Variants in RNF145 observed in about 807,000 individuals in gnomAD.
RNF145 encodes ring finger protein 145.
In RNF145, 12 loss-of-function variants were observed where a neutral mutation model predicts 57.3. That is an observed-to-expected ratio of 0.21 (90% CI 0.13 to 0.34). RNF145 has a LOEUF of 0.34. Among genes scored for constraint, RNF145 ranks in the 10% least tolerant of loss-of-function variants. RNF145 has a pLI of 1.00. For missense variants in RNF145, 429 were observed against 799.0 expected, an observed-to-expected ratio of 0.54 and a Z score of 5.58; for synonymous variants, 262 against 288.3, an observed-to-expected ratio of 0.91 and a Z score of 0.92.
At chr5:159,208,276 A>T in intron 1 of RNF145, 1 of 576,848 alleles carries the variant, frequency 1.7e-6, no homozygotes, top group Non-Finnish European at 2.5e-6. Context: ...AAACTCTTCC[A>T]GGAAAGAGGC....
At chr5:159,176,304 CTA>C (rs1562056886) in intron 5 of RNF145, among the ~76,000 whole-genome samples, 2 of 152,100 alleles carry the variant, frequency 1.3e-5, no homozygotes. Context: ...TCACAGAACT[CTA>C]TGAGGAAAGC....
intron 8 of RNF145, among the ~76,000 whole-genome samples, chr5:159,166,493 T>C (rs1200570165): frequency 6.6e-6 from 1 of 152,246 alleles, no homozygotes; most frequent in Non-Finnish European, 1.5e-5. Flanking sequence ...ATTTTAACCT[T>C]CTGTTTTTGA....
At chr5:159,192,757 T>C (rs1023460523) in intron 3 of RNF145, among the ~76,000 whole-genome samples, 4 of 152,190 alleles carry the variant, frequency 2.6e-5, no homozygotes, top group African/African-American at 9.7e-5. Context: ...TTCTGGGAAA[T>C]GACACCCAAG....
In RNF145 at chr5:159,157,605, T is replaced by A. The variant is rs1584652905; in HGVS notation, c.*1065A>T. 6.6e-6 allele frequency: 1 copy of A among 151,764 alleles called. No homozygotes were observed. Among genetic ancestry groups the A allele is most frequent in the Non-Finnish European group, 1.5e-5 (1 of 67,746 alleles). The allele number at this position is 151,764 out of a possible 1,614,324, so 9.4% of individuals were successfully genotyped here. Reference sequence around the variant, plus strand: ...TCAAAATTCCCATAAAAAATTACATTCCCCCCTCCCCAGTTCTACCTGTAG... The same window carrying A: ...TCAAAATTCCCATAAAAAATTACATACCCCCCTCCCCAGTTCTACCTGTAG... On this transcript the variant is annotated 3_prime_UTR_variant, in exon 11 of 11. Coordinates refer to ENST00000424310, the MANE Select transcript of RNF145 (RefSeq NM_001199383.2).
intron 5 of RNF145, among the ~76,000 whole-genome samples, chr5:159,175,878 T>C (rs1784705842): frequency 6.6e-6 from 1 of 152,192 alleles, no homozygotes; most frequent in Admixed American, 6.5e-5. Flanking sequence ...TTTAACACTC[T>C]CTTTTTATAC....
chr5:159,173,130 G>C (rs4318763), intron 6 of RNF145, among the ~76,000 whole-genome samples: 3 of 152,094 alleles, frequency 2.0e-5, no homozygotes, highest in Non-Finnish European at 4.4e-5. Flanking sequence ...CCGAGTCTTA[G>C]AATTATTTTG....
chr5:159,209,553 C>A lies in RNF145; in HGVS notation c.-362G>T. 2 of 986,840 alleles carry A rather than the reference C, an allele frequency of 2.0e-6. No individual in the cohort carries two copies. Among genetic ancestry groups the A allele is most frequent in the Non-Finnish European group, 2.4e-6 (2 of 830,986 alleles). 61.1% of individuals were successfully genotyped at this position (986,840 alleles called of 1,614,324 possible). ...TGCTCCTCCCGCCCCCGGCGCTCTG[C>A]GGCGGCCGCGGCCCGACTTCCGCAC... On this transcript the variant is annotated 5_prime_UTR_variant, in exon 1 of 11. Transcript: ENST00000424310.
At chr5:159,205,246 C>T (rs1785835460) in intron 1 of RNF145, among the ~76,000 whole-genome samples, 1 of 152,118 alleles carries the variant, frequency 6.6e-6, no homozygotes, top group African/African-American at 2.4e-5. Context: ...GATTATTTCA[C>T]ATGAACAAGA....
At chr5:159,162,770 C>G (rs916008099) in intron 9 of RNF145, among the ~76,000 whole-genome samples, 162 bp downstream of exon 9, 1 of 152,140 alleles carries the variant, frequency 6.6e-6, no homozygotes, top group African/African-American at 2.4e-5. Flanking sequence ...CCATCTAACT[C>G]CTGTGCTCAA....
intron 2 of RNF145, among the ~76,000 whole-genome samples, chr5:159,197,835 T>C (rs983893322): frequency 6.6e-6 from 1 of 152,190 alleles, no homozygotes; most frequent in African/African-American, 2.4e-5. Context: ...TGCACACCTA[T>C]AATCCCAGCT....
chr5:159,198,166 C>G (rs1249776724), intron 2 of RNF145, among the ~76,000 whole-genome samples: 1 of 151,904 alleles, frequency 6.6e-6, no homozygotes, highest in Non-Finnish European at 1.5e-5. Context: ...CACACGAGCC[C>G]AGAAGGTTGA....
intron 8 of RNF145, among the ~76,000 whole-genome samples, chr5:159,163,842 C>G (rs924923282): frequency 2.6e-5 from 4 of 152,188 alleles, no homozygotes; most frequent in African/African-American, 9.7e-5. Context: ...CTCAGCAAAA[C>G]ACAAGCACTC....
chr5:159,189,959 C>G (rs1214223206), intron 3 of RNF145, among the ~76,000 whole-genome samples: 1 of 152,134 alleles, frequency 6.6e-6, no homozygotes, highest in Admixed American at 6.5e-5. Flanking sequence ...AAGTTTCTTT[C>G]TGGGGTGATG....
At chr5:159,194,894 C>T in intron 2 of RNF145, 70 bp from the exon 3 acceptor site, 1 of 1,087,952 alleles carries the variant, frequency 9.2e-7, no homozygotes, top group Non-Finnish European at 1.3e-6. Flanking sequence ...AAAGAAAGAG[C>T]TTGAGACAAA....
chr5:159,189,211 GATAAGGGACT>G lies in RNF145; in HGVS notation c.293+5495_293+5504del, dbSNP rs1785198229. Among the ~76,000 whole-genome samples the G allele has an allele frequency of 2.0e-5, 3 of 151,964 alleles. No homozygotes were observed. In the South Asian group the frequency reaches 6.2e-4, roughly 32 times the overall value. On this transcript the variant is annotated intron_variant, in intron 3 of 10. Coordinates refer to ENST00000424310, the MANE Select transcript of RNF145 (RefSeq NM_001199383.2). ...GTATATATTTGCAAATCATAGATCTGATAAGGGACTTGTATCTAGAATATATAAAGAACTC... is the reference window on the plus strand; with the variant it reads ...GTATATATTTGCAAATCATAGATCTGTGTATCTAGAATATATAAAGAACTC...
upstream of RNF145, chr5:159,209,829 G>A: frequency 6.5e-7 from 1 of 1,534,674 alleles, no homozygotes. Flanking sequence ...ACCACGGGCC[G>A]CAAGCGCTCA....
chr5:159,209,649 C>G (rs1786044830), upstream of RNF145: 1 of 1,007,296 alleles, frequency 9.9e-7, no homozygotes, highest in Non-Finnish European at 1.3e-6. Flanking sequence ...CTCACAATCG[C>G]GCCCGCGGAG....
In RNF145 at chr5:159,161,008, GT is replaced by G. The variant is rs377606217; in HGVS notation, c.1626+257del. The G allele has an allele frequency of 6.4e-4, 229 of 355,950 alleles. 3 individuals carry two copies. The highest frequency in any genetic ancestry group is 4.7e-3 in the African/African-American group (220 of 47,190). 22.0% of individuals were successfully genotyped at this position (355,950 alleles called of 1,614,324 possible). A position where few individuals can be genotyped will look rare whatever the true frequency, so the allele number is the denominator to read the frequency against. ...AGTAAATATAAAATGCACCTGACCT[GT>G]TTTTCCTTTATTTATGGGTGAGCAA... On this transcript the variant is annotated intron_variant, in intron 10 of 10. Transcript: ENST00000424310.
Position 159,209,257 on chromosome 5 carries a change from G to A in RNF145, c.-66C>T. ...TCAGGCTGCGGACTCCCTCCCTGGG[G>A]AGCGGCGCTGCCGGCGGGCGGGCTC... On this transcript the variant is annotated 5_prime_UTR_variant, in exon 1 of 11. Coordinates refer to ENST00000424310, the MANE Select transcript of RNF145 (RefSeq NM_001199383.2). 2.0e-6 allele frequency: 2 copies of A among 985,318 alleles called. No individual in the cohort carries two copies. The highest frequency in any genetic ancestry group is 2.4e-6 in the Non-Finnish European group (2 of 829,832). The allele number at this position is 985,318 out of a possible 1,614,324, so 61.0% of individuals were successfully genotyped here.
Sources: gnomAD v4.1 joint callset for allele counts (sites outside exome capture counted in the v4.1 genomes callset) on GRCh38, gnomAD v4.1.1 for gene constraint, MANE v1.5 for transcripts, NCBI Gene and HGNC (gene_info 2026-07-23, HGNC 2026-07-21) for gene names.